AIRE: variants seen among roughly 807,000 people sequenced by gnomAD.
AIRE encodes autoimmune polyendocrinopathy candidiasis ectodermal dystrophy protein.
AIRE carries 52 observed loss-of-function variants against 62.1 expected under a neutral mutation model. That is an observed-to-expected ratio of 0.84 (90% CI 0.67 to 1.06). AIRE has a LOEUF of 1.06. AIRE is among the 50% of genes least tolerant of loss of function. AIRE has a pLI of 0.00. For missense variants in AIRE, 774 were observed against 755.8 expected, an observed-to-expected ratio of 1.02 and a Z score of -0.28; for synonymous variants, 342 against 321.6, an observed-to-expected ratio of 1.06 and a Z score of -0.68.
rs199996043 is a variant in AIRE at position 44,292,979 on chromosome 21, C to A, written c.1096-14C>A. The A allele has an allele frequency of 2.5e-6, 4 of 1,611,766 alleles. No homozygotes were observed. The African/African-American group carries it at 4.0e-5, about 16-fold the overall frequency. On this transcript the variant is annotated splice_polypyrimidine_tract_variant and intron_variant, in intron 9 of 13. Coordinates refer to ENST00000291582, the MANE Select transcript of AIRE (RefSeq NM_000383.4). ...GCGCCCGCTGCCCCTCTGATGCTGA[C>A]CCTTGGGTTCCAGCTCCCCCCGGGG...
chr21:44,292,940 G>T, intron 9 of AIRE, 53 bp from the exon 10 acceptor site: 1 of 1,561,528 alleles, frequency 6.4e-7, no homozygotes, highest in Non-Finnish European at 8.8e-7. Flanking sequence ...TGACTCCTGG[G>T]TGGTGCCGGG....
chr21:44,287,232 T>G lies in AIRE; in HGVS notation c.463+99T>G, dbSNP rs2040491783. ...CCCACCCGGGCTCCCACCCACTGGGTGTGGGGCCAGCCTGCCTGGGGCTGT... is the reference window on the plus strand; with the variant it reads ...CCCACCCGGGCTCCCACCCACTGGGGGTGGGGCCAGCCTGCCTGGGGCTGT... On this transcript the variant is annotated intron_variant, in intron 3 of 13. Transcript: ENST00000291582. This position sits in a 1 kb window ranked among gnomAD's most constrained non-coding sequence, Gnocchi z 4.3. 2.7e-6 allele frequency: 4 copies of G among 1,462,060 alleles called. No homozygotes were observed. In the African/African-American group the frequency reaches 5.6e-5, roughly 21 times the overall value. 90.6% of individuals were successfully genotyped at this position (1,462,060 alleles called of 1,614,324 possible).
At chr21:44,289,871 T>TG in intron 6 of AIRE, 69 bp downstream of exon 6, 1 of 1,609,400 alleles carries the variant, frequency 6.2e-7, no homozygotes, top group Admixed American at 1.7e-5. Context: ...GCGTTGCCTC[T>TG]GGGGGAGTGG....
In AIRE at chr21:44,286,123, C is replaced by G. The variant is rs1033297636; in HGVS notation, c.117C>G (p.Pro39=). 2.6e-6 allele frequency: 4 copies of G among 1,547,234 alleles called. No individual in the cohort carries two copies. Among genetic ancestry groups the G allele is most frequent in the Non-Finnish European group, 3.5e-6 (4 of 1,146,522 alleles). ...LHALADHDVV[P]EDKFQETLHL... is the part of the protein sequence containing the mutation. Reference sequence around the variant, plus strand: ...CGCTGGCTGACCACGACGTGGTCCCCGAGGACAAGTTTCAGGTGGGCTCCC... The same window carrying G: ...CGCTGGCTGACCACGACGTGGTCCCGGAGGACAAGTTTCAGGTGGGCTCCC... Residue 39 remains proline, a synonymous_variant, in exon 1 of 14, where the codon CCC becomes CCG. Transcript: ENST00000291582. The surrounding 1 kb of genome is among the most constrained non-coding windows in gnomAD (Gnocchi z 6.0).
rs2040631931 is a variant in AIRE, at chr21:44,298,136, A to G, written c.*409A>G. On this transcript the variant is annotated 3_prime_UTR_variant, in exon 14 of 14. Transcript: ENST00000291582. Reference sequence around the variant, plus strand: ...GGCAAGAGTGAGACTCCGTCTCAAAAACAAAACAAAACAAAAAAACCACAT... The same window carrying G: ...GGCAAGAGTGAGACTCCGTCTCAAAGACAAAACAAAACAAAAAAACCACAT... 1 of 247,158 alleles carries G rather than the reference A, an allele frequency of 4.0e-6. No individual in the cohort carries two copies. The highest frequency in any genetic ancestry group is 8.1e-6 in the Non-Finnish European group (1 of 122,948). The allele number at this position is 247,158 out of a possible 1,614,324, so 15.3% of individuals were successfully genotyped here.
Position 44,287,248 on chromosome 21 carries a change from C to CT in AIRE, c.463+116dup, listed in dbSNP as rs1454071207. On this transcript the variant is annotated intron_variant, in intron 3 of 13. Coordinates refer to ENST00000291582, the MANE Select transcript of AIRE (RefSeq NM_000383.4). The surrounding 1 kb of genome is among the most constrained non-coding windows in gnomAD (Gnocchi z 4.3). ...CCCACTGGGTGTGGGGCCAGCCTGC[C>CT]TGGGGCTGTGGGGGTCTCCTCTGGG... 1.5e-6 allele frequency: 2 copies of CT among 1,331,790 alleles called. No homozygotes were observed. The highest frequency in any genetic ancestry group is 2.1e-6 in the Non-Finnish European group (2 of 961,338). The allele number at this position is 1,331,790 out of a possible 1,614,324, so 82.5% of individuals were successfully genotyped here.
Position 44,297,294 on chromosome 21 carries a change from A to G in AIRE, c.1567-362A>G, listed in dbSNP as rs1224927055. ...GAGCATCAGGCTCCTGAGCAGAATA[A>G]GTAGCTGGCCCCGACCCCCCCACCC... On this transcript the variant is annotated intron_variant, in intron 13 of 13. Coordinates refer to ENST00000291582, the MANE Select transcript of AIRE (RefSeq NM_000383.4). The surrounding 1 kb of genome is among the most constrained non-coding windows in gnomAD (Gnocchi z 4.8). Among the ~76,000 whole-genome samples, 1 of 152,062 alleles carries G rather than the reference A, an allele frequency of 6.6e-6. No homozygotes were observed. Among genetic ancestry groups the G allele is most frequent in the Non-Finnish European group, 1.5e-5 (1 of 67,936 alleles).
chr21:44,293,841 T>C lies in AIRE; in HGVS notation c.1331T>C (p.Leu444Pro), dbSNP rs1245820796. 6.3e-7 allele frequency: 1 copy of C among 1,597,016 alleles called. No individual in the cohort carries two copies. Among genetic ancestry groups the C allele is most frequent in the Non-Finnish European group, 8.5e-7 (1 of 1,179,590 alleles). ...CGVCGDGTDV[L>P]RCTHCAAAFH... Reference sequence around the variant, plus strand: ...GTGTGCGGAGATGGTACGGACGTGCTGCGGTGTACTCACTGCGCCGCTGCC... The same window carrying C: ...GTGTGCGGAGATGGTACGGACGTGCCGCGGTGTACTCACTGCGCCGCTGCC... The change falls in exon 11 of 14, where the codon CTG (leucine) becomes CCG (proline). Residue 444 changes from leucine (L) to proline (P), a missense_variant. This residue lies in a region of AIRE where 354 missense variants were observed against 296.1 expected (regional missense o/e 1.20). Coordinates refer to ENST00000291582, the MANE Select transcript of AIRE (RefSeq NM_000383.4).
At chr21:44,293,343 C>A (rs1052003253) in intron 10 of AIRE, among the ~76,000 whole-genome samples, 168 bp downstream of exon 10, 1 of 151,766 alleles carries the variant, frequency 6.6e-6, no homozygotes, top group Non-Finnish European at 1.5e-5. Context: ...GGGAAGGGGA[C>A]GCTCCTAGAC....
Position 44,293,082 on chromosome 21 carries a change from G to T in AIRE, c.1185G>T (p.Lys395Asn). The T allele has an allele frequency of 6.2e-7, 1 of 1,611,370 alleles. No homozygotes were observed. The part of the protein sequence containing the change: ...LAGMDTTLVY[K>N]HLPAPPSAAP... Reference sequence around the variant, plus strand: ...GCATGGACACGACTCTTGTCTACAAGCACCTGCCGGCTCCGCCTTCTGCAG... The same window carrying T: ...GCATGGACACGACTCTTGTCTACAATCACCTGCCGGCTCCGCCTTCTGCAG... Residue 395 changes from lysine to asparagine, a missense_variant, in exon 10 of 14, where the codon AAG becomes AAT. By Grantham distance (94) the Lys-to-Asn change is moderately conservative. Coordinates refer to ENST00000291582, the MANE Select transcript of AIRE (RefSeq NM_000383.4).
In AIRE at chr21:44,293,170, C is replaced by T. The variant is rs1601969308; in HGVS notation, c.1273C>T (p.Gln425Ter). 5.1e-6 allele frequency: 8 copies of T among 1,560,312 alleles called. No individual in the cohort carries two copies. The highest frequency in any genetic ancestry group is 6.9e-6 in the Non-Finnish European group (8 of 1,151,532). ...CCTACTGTGTGTGGGTCCTGAGGGT[C>T]AGCAGGTGAGCGGGGAGTGGGGGTC... is the stretch of plus-strand genomic sequence containing the variant. ...HPLLCVGPEG[Q>*]QNLAPGARCG... is the part of the protein sequence containing the mutation. Residue 425 changes from glutamine (Q) to a stop codon, truncating the protein, a stop_gained, in exon 10 of 14, where the codon CAG (glutamine) becomes TAG (stop). Coordinates refer to ENST00000291582, the MANE Select transcript of AIRE (RefSeq NM_000383.4). LOFTEE classifies it high-confidence loss of function.
At position 44,287,300 on chromosome 21, in the gene AIRE, T is replaced by C. The variant is rs1227698384; in HGVS notation, c.463+167T>C. The C allele has an allele frequency of 1.2e-6, 1 of 834,344 alleles. No homozygotes were observed. The highest frequency in any genetic ancestry group is 2.7e-5 in the East Asian group (1 of 37,472). The allele number at this position is 834,344 out of a possible 1,614,324, so 51.7% of individuals were successfully genotyped here. A position where few individuals can be genotyped will look rare whatever the true frequency, so the allele number is the denominator to read the frequency against. On this transcript the variant is annotated intron_variant, in intron 3 of 13. Transcript: ENST00000291582. This position sits in a 1 kb window ranked among gnomAD's most constrained non-coding sequence, Gnocchi z 4.3. ...ACTAGACCCACACACTGGACCAGCC[T>C]CTCAGCTCCCTCCTGCCTGAAGGCT...
chr21:44,289,850 C>A, intron 6 of AIRE, 48 bp downstream of exon 6: 1 of 1,611,264 alleles, frequency 6.2e-7, no homozygotes, highest in Non-Finnish European at 8.5e-7. Context: ...ATGCCCCCCG[C>A]CCCAGGAACA....
rs925786673 is a variant in AIRE, at chr21:44,289,908, C to T, written c.799-80C>T. 4.2e-5 allele frequency: 67 copies of T among 1,600,868 alleles called. No homozygotes were observed. In the South Asian group the frequency reaches 4.3e-4, roughly 10 times the overall value. On this transcript the variant is annotated intron_variant, in intron 6 of 13. Coordinates refer to ENST00000291582, the MANE Select transcript of AIRE (RefSeq NM_000383.4). ...TCTGCTGGGGGCTGGGGGCTGCTGC[C>T]GAGAGACGCCTGGTGCCACAGCCAT...
At chr21:44,293,743 A>G (rs757845742) in intron 10 of AIRE, 46 bp from the exon 11 acceptor site, 6 of 1,594,416 alleles carry the variant, frequency 3.8e-6, no homozygotes, top group Non-Finnish European at 1.7e-6. Context: ...GTTCAGCTAC[A>G]TTTCCCCCGG....
chr21:44,286,143 G>T lies in AIRE; in HGVS notation c.132+5G>T. On this transcript the variant is annotated splice_donor_5th_base_variant and intron_variant, in intron 1 of 13. Transcript: ENST00000291582. This position sits in a 1 kb window ranked among gnomAD's most constrained non-coding sequence, Gnocchi z 6.0. ...GTCCCCGAGGACAAGTTTCAGGTGGGCTCCCCGCCCGCCCCCCGCTGCCCC... is the reference window on the plus strand; with the variant it reads ...GTCCCCGAGGACAAGTTTCAGGTGGTCTCCCCGCCCGCCCCCCGCTGCCCC... 6.5e-7 allele frequency: 1 copy of T among 1,546,316 alleles called. No individual in the cohort carries two copies. Among genetic ancestry groups the T allele is most frequent in the Non-Finnish European group, 8.7e-7 (1 of 1,146,356 alleles).
At position 44,293,840 on chromosome 21, in the gene AIRE, C is replaced by T. The variant is rs1221626097; in HGVS notation, c.1330C>T (p.Leu444=). Residue 444 remains leucine, a synonymous_variant, in exon 11 of 14, where the codon CTG becomes TTG. Coordinates refer to ENST00000291582, the MANE Select transcript of AIRE (RefSeq NM_000383.4). ...CGVCGDGTDV[L]RCTHCAAAFH... Reference sequence around the variant, plus strand: ...GGTGTGCGGAGATGGTACGGACGTGCTGCGGTGTACTCACTGCGCCGCTGC... The same window carrying T: ...GGTGTGCGGAGATGGTACGGACGTGTTGCGGTGTACTCACTGCGCCGCTGC... The T allele has an allele frequency of 6.3e-7, 1 of 1,596,998 alleles. No homozygotes were observed. The highest frequency in any genetic ancestry group is 8.5e-7 in the Non-Finnish European group (1 of 1,179,596).
Position 44,288,432 on chromosome 21 carries a change from T to C in AIRE, c.626T>C (p.Ile209Thr). 6.2e-7 allele frequency: 1 copy of C among 1,610,314 alleles called. No homozygotes were observed. Among genetic ancestry groups the C allele is most frequent in the Non-Finnish European group, 8.5e-7 (1 of 1,177,350 alleles). The change falls in exon 5 of 14, where the codon ATC becomes ACC. Residue 209 changes from isoleucine (I) to threonine (T), a missense_variant. Coordinates refer to ENST00000291582, the MANE Select transcript of AIRE (RefSeq NM_000383.4). ...VPGARGAVEG[I>T]LIQQVFESGG... is the part of the protein sequence containing the mutation. ...GGAGCCCGAGGGGCCGTGGAGGGGA[T>C]CCTCATCCAGCAGGTGTTTGAGTCA...
chr21:44,289,519 G>T (rs1601966417), intron 5 of AIRE, 138 bp from the exon 6 acceptor site: 1 of 1,239,710 alleles, frequency 8.1e-7, no homozygotes, highest in East Asian at 2.4e-5. Flanking sequence ...AGACTCGACT[G>T]GGGTGGGGGC....
Sources: gnomAD v4.1 joint callset for allele counts (sites outside exome capture counted in the v4.1 genomes callset) on GRCh38, gnomAD v4.1.1 for gene constraint, gnomAD v4.1.1 regional missense constraint, Gnocchi (gnomAD v3.1) non-coding constraint, MANE v1.5 for transcripts, NCBI Gene and HGNC (gene_info 2026-07-23, HGNC 2026-07-21) for gene names.